Variants in PRKG1 observed in about 807,000 individuals in gnomAD.
PRKG1 encodes protein kinase cGMP-dependent 1.
In PRKG1, 35 loss-of-function variants were observed where a neutral mutation model predicts 88.1. That is an observed-to-expected ratio of 0.40 (90% CI 0.30 to 0.53). PRKG1 has a LOEUF of 0.53. PRKG1 is among the 20% of genes least tolerant of loss of function. PRKG1 has a pLI of 0.59. For missense variants in PRKG1, 540 were observed against 839.8 expected, an observed-to-expected ratio of 0.64 and a Z score of 4.41; for synonymous variants, 303 against 292.5, an observed-to-expected ratio of 1.04 and a Z score of -0.37.
At chr10:51,335,095 C>T (rs1038869614) in intron 2 of PRKG1, among the ~76,000 whole-genome samples, 4 of 141,024 alleles carry the variant, frequency 2.8e-5, no homozygotes, top group South Asian at 2.3e-4. Flanking sequence ...CACTGCAAAG[C>T]TCCACCTCCC....
chr10:51,007,904 C>T (rs1245321293), intron 1 of PRKG1, among the ~76,000 whole-genome samples: 1 of 152,220 alleles, frequency 6.6e-6, no homozygotes, highest in Non-Finnish European at 1.5e-5. Context: ...CTCTTCTCAA[C>T]AATCCCATGG....
chr10:52,225,653 T>A (rs150049686), intron 9 of PRKG1, among the ~76,000 whole-genome samples: 4,487 of 152,308 alleles, frequency 0.029, 102 homozygotes, highest in Middle Eastern at 0.054. Context: ...CATCTTGAGT[T>A]GATTTTTGTT....
intron 2 of PRKG1, among the ~76,000 whole-genome samples, chr10:51,228,579 T>C (rs1718636705): frequency 6.6e-6 from 1 of 152,170 alleles, no homozygotes; most frequent in African/African-American, 2.4e-5. Flanking sequence ...GTTGTCTTCC[T>C]ACTTATGGGA....
At chr10:51,403,439 T>G (rs1170821814) in intron 2 of PRKG1, among the ~76,000 whole-genome samples, 1 of 152,158 alleles carries the variant, frequency 6.6e-6, no homozygotes, top group Non-Finnish European at 1.5e-5. Context: ...TAAGACTTAG[T>G]GTCAAAAATG....
chr10:51,084,396 G>A (rs1006412990), intron 1 of PRKG1, among the ~76,000 whole-genome samples: 1 of 152,132 alleles, frequency 6.6e-6, no homozygotes. Context: ...ATGAAAGGAT[G>A]GGAGTTCATA....
At chr10:52,189,369 A>C (rs1032960904) in intron 9 of PRKG1, among the ~76,000 whole-genome samples, 9 of 152,188 alleles carry the variant, frequency 5.9e-5, no homozygotes, top group African/African-American at 2.2e-4. Flanking sequence ...CATTCATCCC[A>C]GACCAGGGGT....
intron 7 of PRKG1, among the ~76,000 whole-genome samples, chr10:52,103,872 C>G (rs1443988565): frequency 2.0e-5 from 3 of 151,670 alleles, no homozygotes; most frequent in African/African-American, 7.3e-5. Flanking sequence ...CAATAAGATA[C>G]AAATCTTTGG....
chr10:51,694,028 A>T (rs531704486), intron 3 of PRKG1, among the ~76,000 whole-genome samples: 17 of 152,318 alleles, frequency 1.1e-4, no homozygotes, highest in Admixed American at 7.8e-4. Context: ...CAATATATTA[A>T]TGATGTCCGT....
chr10:51,774,953 A>G (rs1337028193), intron 3 of PRKG1, among the ~76,000 whole-genome samples: 2 of 152,136 alleles, frequency 1.3e-5, no homozygotes, highest in Non-Finnish European at 2.9e-5. Flanking sequence ...CAAGCTTTAA[A>G]TTTATTTAAC....
At chr10:51,032,775 AT>A (rs1305910107) in intron 1 of PRKG1, among the ~76,000 whole-genome samples, 17 of 151,936 alleles carry the variant, frequency 1.1e-4, no homozygotes, top group Non-Finnish European at 4.4e-5. Flanking sequence ...ACAAACAAAT[AT>A]TATTTTGGGG....
chr10:51,102,976 A>G (rs902787146), intron 1 of PRKG1, among the ~76,000 whole-genome samples: 3 of 152,182 alleles, frequency 2.0e-5, no homozygotes, highest in Non-Finnish European at 2.9e-5. Flanking sequence ...ATGGAACAAG[A>G]AGAGGATACT....
chr10:52,078,134 T>G (rs959643064), intron 7 of PRKG1, among the ~76,000 whole-genome samples: 2 of 152,146 alleles, frequency 1.3e-5, no homozygotes, highest in African/African-American at 4.8e-5. Context: ...AGAATACAGG[T>G]TTTCTACCGC....
At chr10:51,215,905 A>C (rs1838360041) in intron 2 of PRKG1, among the ~76,000 whole-genome samples, 1 of 152,244 alleles carries the variant, frequency 6.6e-6, no homozygotes, top group African/African-American at 2.4e-5. Context: ...ACTACTTTTT[A>C]GAAGTGTTCA....
intron 7 of PRKG1, among the ~76,000 whole-genome samples, chr10:52,118,623 C>T (rs541798290): frequency 1.3e-5 from 2 of 152,002 alleles, no homozygotes; most frequent in South Asian, 2.1e-4. Context: ...TAAATTAATG[C>T]TATTTTAAGT....
intron 2 of PRKG1, among the ~76,000 whole-genome samples, chr10:51,432,423 A>C (rs1268242682): frequency 6.6e-6 from 1 of 151,982 alleles, no homozygotes; most frequent in Admixed American, 6.6e-5. Flanking sequence ...AATAAAAAAA[A>C]CAAAAAACAC....
chr10:51,235,789 C>A (rs1564649467), intron 2 of PRKG1, among the ~76,000 whole-genome samples: 1 of 151,894 alleles, frequency 6.6e-6, no homozygotes, highest in Non-Finnish European at 1.5e-5. Context: ...ACACATACCT[C>A]TAAGAAACCA....
intron 2 of PRKG1, among the ~76,000 whole-genome samples, chr10:51,294,544 T>A (rs1229663716): frequency 6.6e-6 from 1 of 152,182 alleles, no homozygotes; most frequent in East Asian, 1.9e-4. Context: ...TTCGTTAGGT[T>A]GGTGCAATAG....
intron 2 of PRKG1, among the ~76,000 whole-genome samples, chr10:51,263,326 T>G (rs777734978): frequency 3.3e-4 from 50 of 152,378 alleles, no homozygotes; most frequent in Non-Finnish European, 5.9e-4. Flanking sequence ...GATATCCCAG[T>G]GACTTGCCTT....
At chr10:51,951,104 C>G (rs1843173364) in intron 5 of PRKG1, among the ~76,000 whole-genome samples, 1 of 152,170 alleles carries the variant, frequency 6.6e-6, no homozygotes, top group Admixed American at 6.5e-5. Flanking sequence ...CAACCAGGAA[C>G]AGAAGTTATC....
Sources: allele counts gnomAD v4.1 joint callset (sites outside exome capture counted in the v4.1 genomes callset), GRCh38; gene constraint gnomAD v4.1.1; transcripts MANE v1.5; gene names NCBI Gene and HGNC (gene_info 2026-07-23, HGNC 2026-07-21).